Variants in FOCAD observed in about 807,000 individuals in gnomAD.
FOCAD encodes focadhesin.
FOCAD carries 198 observed loss-of-function variants against 225.6 expected under a neutral mutation model. That is an observed-to-expected ratio of 0.88 (90% CI 0.78 to 0.99). The LOEUF is 0.99. Among genes scored for constraint, FOCAD ranks in the 50% least tolerant of loss-of-function variants. The pLI is 0.00. For synonymous variants in FOCAD, 897 were observed against 755.0 expected (o/e 1.19, Z -3.08); for missense variants, 2,713 against 2,123.6 (o/e 1.28, Z -5.46).
At chr9:20,857,965 T>C (rs1828370157) in intron 15 of FOCAD, among the ~76,000 whole-genome samples, 1 of 152,072 alleles carries the variant, frequency 6.6e-6, no homozygotes, top group South Asian at 2.1e-4. Context: ...AGAAACAATC[T>C]TTTTAATGTA....
Position 20,809,163 on chromosome 9 carries a change from A to G in FOCAD, c.1456-10633A>G, listed in dbSNP as rs552864937. ...AGCATATCAACAATTTAATGTATGT[A>G]ACTGTTTCCCTATTGATAGACATTT... On this transcript the variant is annotated intron_variant, in intron 11 of 43. Transcript: ENST00000338382. Among the ~76,000 whole-genome samples the G allele has an allele frequency of 5.3e-5, 8 of 152,274 alleles. 1 individual carries two copies. The South Asian group carries it at 1.7e-3, about 32-fold the overall frequency.
intron 7 of FOCAD, among the ~76,000 whole-genome samples, chr9:20,768,285 C>T (rs1236496392): frequency 6.6e-6 from 1 of 151,014 alleles, no homozygotes; most frequent in Non-Finnish European, 1.5e-5. Context: ...GTTCTTTTGG[C>T]TTAGGATTGA....
At chr9:20,720,573 G>GT (rs760431322) in intron 4 of FOCAD, 39 bp downstream of exon 4, 2 of 1,591,156 alleles carry the variant, frequency 1.3e-6, no homozygotes, top group Admixed American at 3.5e-5. Context: ...AATGATTTAA[G>GT]TTTTTAGGAA....
chr9:20,944,293 A>C (rs1208840139), intron 28 of FOCAD, among the ~76,000 whole-genome samples: 4 of 152,174 alleles, frequency 2.6e-5, no homozygotes. Context: ...AAACTACAGC[A>C]TTTCTGTAAG....
chr9:20,789,055 A>G (rs544020068), intron 10 of FOCAD, among the ~76,000 whole-genome samples: 69 of 152,104 alleles, frequency 4.5e-4, no homozygotes, highest in Admixed American at 2.1e-3. Context: ...TCCAAATGCA[A>G]TTGCCTCTGG....
At chr9:20,853,058 T>C (rs1008438459) in intron 15 of FOCAD, among the ~76,000 whole-genome samples, 109 of 151,812 alleles carry the variant, frequency 7.2e-4, no homozygotes, top group Non-Finnish European at 4.4e-5. Flanking sequence ...AAGGAATTTT[T>C]TGACATATTC....
intron 5 of FOCAD, among the ~76,000 whole-genome samples, chr9:20,745,835 G>A (rs1367860152): frequency 6.6e-6 from 1 of 152,196 alleles, no homozygotes; most frequent in African/African-American, 2.4e-5. Flanking sequence ...CAGATGGTGT[G>A]CTCGGAAGTG....
chr9:20,979,236 ATTC>A, intron 37 of FOCAD, among the ~76,000 whole-genome samples: 1 of 152,302 alleles, frequency 6.6e-6, no homozygotes, highest in South Asian at 2.1e-4. Flanking sequence ...AATCTGGACT[ATTC>A]TTCTGTCCTA....
intron 8 of FOCAD, among the ~76,000 whole-genome samples, chr9:20,770,543 G>A (rs960585761): frequency 6.6e-6 from 1 of 152,194 alleles, no homozygotes; most frequent in Non-Finnish European, 1.5e-5. Context: ...CAGGAGGATT[G>A]TGCTAAACCA....
At chr9:20,779,499 C>T (rs1465756791) in intron 9 of FOCAD, among the ~76,000 whole-genome samples, 3 of 152,166 alleles carry the variant, frequency 2.0e-5, no homozygotes, top group Non-Finnish European at 4.4e-5. Flanking sequence ...GTAATCCCAA[C>T]GCTTTGGGAG....
chr9:20,685,792 A>T (rs918109798), intron 1 of FOCAD, among the ~76,000 whole-genome samples: 1 of 152,084 alleles, frequency 6.6e-6, no homozygotes, highest in South Asian at 2.1e-4. Context: ...ATTAACCCCA[A>T]ATTTACTGGA....
At chr9:20,935,982 A>C (rs796149375) in intron 28 of FOCAD, among the ~76,000 whole-genome samples, 3 of 152,374 alleles carry the variant, frequency 2.0e-5, no homozygotes, top group African/African-American at 7.2e-5. Context: ...CAAAAAAAGA[A>C]TTAAACACAC....
Position 20,981,431 on chromosome 9 carries a change from T to C in FOCAD, c.4383T>C (p.Asn1461=). ...TPPLIHSLSL[N]TKRYLLISAP... is the part of the protein sequence containing the mutation. The stretch of plus-strand genomic sequence containing the variant: ...CCCTTCTGTTTTACTTCCAGCTGAA[T>C]ACCAAGAGATATCTCCTGATATCTG... The change falls in exon 38 of 44, where the codon AAT becomes AAC. Residue 1461 remains asparagine (N), a synonymous_variant. Transcript: ENST00000338382. 2.5e-6 allele frequency: 4 copies of C among 1,614,000 alleles called. No homozygotes were observed. Among genetic ancestry groups the C allele is most frequent in the Non-Finnish European group, 3.4e-6 (4 of 1,179,860 alleles).
intron 21 of FOCAD, among the ~76,000 whole-genome samples, chr9:20,891,439 A>T (rs964050189): frequency 6.6e-6 from 1 of 152,214 alleles, no homozygotes; most frequent in Non-Finnish European, 1.5e-5. Flanking sequence ...GAATGCAAAG[A>T]AAAGGTTCTT....
intron 1 of FOCAD, among the ~76,000 whole-genome samples, chr9:20,690,681 A>G (rs1822916080): frequency 1.3e-5 from 2 of 151,810 alleles, no homozygotes; most frequent in South Asian, 2.1e-4. Flanking sequence ...CTGAGTAGCT[A>G]GGACTGCAGA....
At position 20,953,058 on chromosome 9, in the gene FOCAD, A is replaced by G. The variant is rs1267836952; in HGVS notation, c.4125A>G (p.Gly1375=). 1.2e-6 allele frequency: 2 copies of G among 1,606,204 alleles called. No individual in the cohort carries two copies. Among genetic ancestry groups the G allele is most frequent in the South Asian group, 1.1e-5 (1 of 90,292 alleles). The change falls in exon 35 of 44, where the codon GGA becomes GGG. Residue 1375 remains glycine, a synonymous_variant. Transcript: ENST00000338382. ...CTATTGGCTTCTTCATTACAGGAGG[A>G]AAAAAAGGCAAGTGAGCACATTTCT... ...GAAIGFFITG[G]KKGPESVPPS...
chr9:20,888,365 C>G (rs1017921535), intron 21 of FOCAD, among the ~76,000 whole-genome samples: 3 of 151,946 alleles, frequency 2.0e-5, no homozygotes, highest in African/African-American at 7.3e-5. Context: ...TCTCAAACTC[C>G]TGACCTCATG....
chr9:20,895,719 C>T (rs928740969), intron 21 of FOCAD, among the ~76,000 whole-genome samples: 1 of 151,476 alleles, frequency 6.6e-6, no homozygotes, highest in South Asian at 2.1e-4. Flanking sequence ...TGTATTGTAA[C>T]CTTGTATCTT....
At chr9:20,993,121 G>A (rs373555497) in intron 42 of FOCAD, 132 bp from the exon 43 acceptor site, 9 of 667,514 alleles carry the variant, frequency 1.3e-5, no homozygotes, top group South Asian at 7.2e-5. Context: ...TATTGCCTAA[G>A]AACTGTAATC....
Sources: gnomAD v4.1 joint callset for allele counts (sites outside exome capture counted in the v4.1 genomes callset) on GRCh38, gnomAD v4.1.1 for gene constraint, MANE v1.5 for transcripts, NCBI Gene and HGNC (gene_info 2026-07-23, HGNC 2026-07-21) for gene names.